Variants in DLGAP1 observed in about 807,000 individuals in gnomAD.
DLGAP1 encodes the protein DLG associated protein 1.
In DLGAP1, 11 loss-of-function variants were observed where a neutral mutation model predicts 90.8. That is an observed-to-expected ratio of 0.12 (90% confidence interval 0.08 to 0.20). DLGAP1 has a LOEUF of 0.20. Among genes scored for constraint, DLGAP1 ranks in the 10% least tolerant of loss-of-function variants. The pLI is 1.00. For missense variants in DLGAP1, 1,050 were observed against 1,333.8 expected, an observed-to-expected ratio of 0.79 and a Z score of 3.31; for synonymous variants, 558 against 540.7, an observed-to-expected ratio of 1.03 and a Z score of -0.44.
At chr18:3,939,791 T>G (rs1407392309) in intron 3 of DLGAP1, among the ~76,000 whole-genome samples, 1 of 152,182 alleles carries the variant, frequency 6.6e-6, no homozygotes, top group East Asian at 1.9e-4. Flanking sequence ...GGAATGCATT[T>G]AAATCTTGGC....
At chr18:3,619,878 C>T (rs1245538412) in intron 7 of DLGAP1, among the ~76,000 whole-genome samples, 4 of 150,744 alleles carry the variant, frequency 2.7e-5, no homozygotes, top group Non-Finnish European at 5.9e-5. Context: ...ACTCATAGAC[C>T]CCATCATTGC....
chr18:3,904,375 T>C lies in DLGAP1; in HGVS notation c.-72-24235A>G, dbSNP rs186088316. On this transcript the variant is annotated intron_variant, in intron 3 of 12. Transcript: ENST00000315677. ...AGGAAGTCTGCAAACACTATGGCAA[T>C]GCTGGCTTGGCTTCAGAATGACATA... 5.1e-4 allele frequency among the ~76,000 whole-genome samples: 78 copies of C among 152,332 alleles called. 1 individual carries two copies. The highest frequency in any genetic ancestry group is 2.2e-4 in the Non-Finnish European group (15 of 68,028).
At chr18:4,273,924 T>C (rs2079344652) in intron 1 of DLGAP1, among the ~76,000 whole-genome samples, 1 of 152,186 alleles carries the variant, frequency 6.6e-6, no homozygotes, top group African/African-American at 2.4e-5. Context: ...TCAGTCTAGC[T>C]AAAGGCTTGT....
chr18:4,201,853 C>T (rs770426535), intron 1 of DLGAP1, among the ~76,000 whole-genome samples: 19 of 151,866 alleles, frequency 1.3e-4, no homozygotes, highest in African/African-American at 3.6e-4. Flanking sequence ...CAATGAAAAG[C>T]GAACAGTTAT....
At chr18:4,365,419 G>C (rs2081740598) in intron 1 of DLGAP1, among the ~76,000 whole-genome samples, 1 of 152,122 alleles carries the variant, frequency 6.6e-6, no homozygotes, top group African/African-American at 2.4e-5. Flanking sequence ...GAGGAAGACT[G>C]ACTGTAAACA....
chr18:3,607,398 TC>T, intron 7 of DLGAP1: 1 of 152,288 alleles, frequency 6.6e-6, no homozygotes, highest in South Asian at 2.1e-4. Flanking sequence ...GCTCAAGCGA[TC>T]CACCCTCCTC....
At chr18:4,365,498 C>T in intron 1 of DLGAP1, among the ~76,000 whole-genome samples, 1 of 151,954 alleles carries the variant, frequency 6.6e-6, no homozygotes, top group African/African-American at 2.4e-5. Context: ...ATTATGTAAC[C>T]CTATAAACGT....
At chr18:3,503,311 A>G (rs2050043785) in intron 11 of DLGAP1, among the ~76,000 whole-genome samples, 1 of 152,232 alleles carries the variant, frequency 6.6e-6, no homozygotes, top group East Asian at 1.9e-4. Flanking sequence ...TTATCTCTAC[A>G]TACATCTCTA....
intron 1 of DLGAP1, among the ~76,000 whole-genome samples, chr18:4,397,097 T>C (rs536784479): frequency 2.6e-5 from 4 of 152,232 alleles, no homozygotes; most frequent in Admixed American, 6.5e-5. Flanking sequence ...TCCATGCCTT[T>C]ACTTGTCAAA....
chr18:4,322,058 G>T (rs1051972493), intron 1 of DLGAP1, among the ~76,000 whole-genome samples: 2 of 152,000 alleles, frequency 1.3e-5, no homozygotes, highest in Admixed American at 6.6e-5. Flanking sequence ...AATTTATCCA[G>T]GTGTGGTGGG....
chr18:4,336,013 A>C (rs1209483168), intron 1 of DLGAP1, among the ~76,000 whole-genome samples: 2 of 152,224 alleles, frequency 1.3e-5, no homozygotes, highest in Non-Finnish European at 2.9e-5. Flanking sequence ...ATATATCAAA[A>C]TACAAGCTTC....
chr18:3,572,069 G>GTTTTTTTTTT lies in DLGAP1; in HGVS notation c.1966-4498_1966-4489dup, dbSNP rs67491547. Reference sequence around the variant, plus strand: ...ATGGATTTTCAGTGGTTTCTTCTAGGTTTTTTTTTTTTTTTTTTTTTCTTT... The same window carrying GTTTTTTTTTT: ...ATGGATTTTCAGTGGTTTCTTCTAGGTTTTTTTTTTTTTTTTTTTTTTTTTTTTTTTCTTT... On this transcript the variant is annotated intron_variant, in intron 8 of 12. Coordinates refer to ENST00000315677, the MANE Select transcript of DLGAP1 (RefSeq NM_004746.4). 1.4e-4 allele frequency among the ~76,000 whole-genome samples: 15 copies of GTTTTTTTTTT among 105,620 alleles called. 1 individual carries two copies. Among genetic ancestry groups the GTTTTTTTTTT allele is most frequent in the East Asian group, 3.1e-4 (1 of 3,260 alleles). The allele number at this position is 105,620 out of a possible 152,430, so 69.3% of individuals were successfully genotyped here. A position where few individuals can be genotyped will look rare whatever the true frequency, so the allele number is the denominator to read the frequency against.
intron 4 of DLGAP1, among the ~76,000 whole-genome samples, chr18:3,853,407 T>C (rs1455981554): frequency 6.6e-6 from 1 of 152,132 alleles, no homozygotes; most frequent in African/African-American, 2.4e-5. Flanking sequence ...AAGATTATAA[T>C]ACCATATTTG....
intron 1 of DLGAP1, among the ~76,000 whole-genome samples, chr18:4,153,030 C>T (rs2076699896): frequency 6.6e-6 from 1 of 152,046 alleles, no homozygotes; most frequent in Admixed American, 6.6e-5. Flanking sequence ...TCTTTGGAAA[C>T]AAAGTGGAAA....
At chr18:4,305,911 T>TA (rs56874868) in intron 1 of DLGAP1, among the ~76,000 whole-genome samples, 121,810 of 151,400 alleles carry the variant, frequency 0.8, 53,258 homozygotes, top group Non-Finnish European at 0.96. Flanking sequence ...TGATTATTAT[T>TA]TTTTTTTTGT....
At chr18:4,309,362 A>T (rs2080341570) in intron 1 of DLGAP1, among the ~76,000 whole-genome samples, 1 of 152,144 alleles carries the variant, frequency 6.6e-6, no homozygotes, top group African/African-American at 2.4e-5. Context: ...AGGTGAGAAA[A>T]GTTTTAAAAT....
chr18:3,731,466 G>T (rs539469967), intron 6 of DLGAP1, among the ~76,000 whole-genome samples: 3 of 152,110 alleles, frequency 2.0e-5, no homozygotes, highest in African/African-American at 7.2e-5. Flanking sequence ...CTGTCACCCA[G>T]GGTGGAGTGC....
At chr18:4,089,646 G>A (rs2075738511) in intron 2 of DLGAP1, among the ~76,000 whole-genome samples, 1 of 152,088 alleles carries the variant, frequency 6.6e-6, no homozygotes, top group South Asian at 2.1e-4. Flanking sequence ...ATTTACAAAC[G>A]TCTGATCTTC....
chr18:4,124,983 T>C (rs1254386492), intron 2 of DLGAP1, among the ~76,000 whole-genome samples: 1 of 152,120 alleles, frequency 6.6e-6, no homozygotes, highest in Non-Finnish European at 1.5e-5. Context: ...CAAGCAAGCA[T>C]GGGGTCCAGG....
Sources: allele counts gnomAD v4.1 joint callset (sites outside exome capture counted in the v4.1 genomes callset), GRCh38; gene constraint gnomAD v4.1.1; transcripts MANE v1.5; gene names NCBI Gene and HGNC (gene_info 2026-07-23, HGNC 2026-07-21).